The following RGS18 variants were observed in gnomAD, a reference collection of about 807,000 sequenced individuals.
RGS18 encodes regulator of G-protein signaling 18.
Under a neutral mutation model 27.6 loss-of-function variants are expected in RGS18, and 22 were observed. The ratio of observed to expected loss-of-function variants is 0.80; its 90% CI spans 0.57 to 1.14. RGS18 has a LOEUF of 1.14. RGS18 is among the 50% of genes most tolerant of loss of function. The probability of loss-of-function intolerance (pLI) is 0.00; values close to 1 mark genes in which losing one functional copy is unlikely to be tolerated. For missense variants in RGS18, 299 were observed against 269.6 expected (o/e 1.11, Z -0.76); for synonymous variants, 89 against 84.6 (o/e 1.05, Z -0.29).
In RGS18 at chr1:192,185,238, AC is replaced by A. The variant is rs1387196876; in HGVS notation, c.*687del. Reference sequence around the variant, plus strand: ...CTCATTCCTAAGTGAACATGGACGTACCCAGTTATACAAAGTACTTCTGTTG... The same window carrying A: ...CTCATTCCTAAGTGAACATGGACGTACCAGTTATACAAAGTACTTCTGTTG... On this transcript the variant is annotated 3_prime_UTR_variant, in exon 5 of 5. Coordinates refer to ENST00000367460, the MANE Select transcript of RGS18 (RefSeq NM_130782.3). 1 of 151,684 alleles carries A rather than the reference AC, an allele frequency of 6.6e-6. No homozygotes were observed. Among genetic ancestry groups the A allele is most frequent in the Non-Finnish European group, 1.5e-5 (1 of 67,736 alleles). The allele number at this position is 151,684 out of a possible 1,614,324, so 9.4% of individuals were successfully genotyped here. A position where few individuals can be genotyped will look rare whatever the true frequency, so the allele number is the denominator to read the frequency against.
intron 3 of RGS18, among the ~76,000 whole-genome samples, chr1:192,161,747 T>A (rs542985446): frequency 6.6e-6 from 1 of 152,352 alleles, no homozygotes; most frequent in African/African-American, 2.4e-5. Context: ...AGGTGTCTAC[T>A]GGAAGAAAGG....
At chr1:192,181,807 C>G (rs1266546946) in intron 4 of RGS18, among the ~76,000 whole-genome samples, 1 of 151,490 alleles carries the variant, frequency 6.6e-6, no homozygotes, top group Non-Finnish European at 1.5e-5. Context: ...TTCTTCCTAT[C>G]TATCTCTGTA....
intron 2 of RGS18, 138 bp from the exon 3 acceptor site, chr1:192,160,240 G>A (rs4329489): frequency 0.67 from 292,881 of 434,634 alleles, 101,324 homozygotes; most frequent in East Asian, 0.84. Flanking sequence ...TAATGTAAAT[G>A]CAATTTTCAT....
intron 3 of RGS18, among the ~76,000 whole-genome samples, chr1:192,162,941 TTCC>T (rs1407764324): frequency 6.6e-6 from 1 of 152,232 alleles, no homozygotes; most frequent in African/African-American, 2.4e-5. Context: ...CATCTGTGGA[TTCC>T]TAAACTTAGC....
rs1323533756 is a variant in RGS18, at chr1:192,184,789, TC to T, written c.*236del. ...TTTATAATCAGAAAAAAAACTTATT[TC>T]TTAATCAAAAGGCAGTACAAAAAAA... is the stretch of plus-strand genomic sequence containing the variant. On this transcript the variant is annotated 3_prime_UTR_variant, in exon 5 of 5. Transcript: ENST00000367460. 1 of 424,040 alleles carries T rather than the reference TC, an allele frequency of 2.4e-6. No homozygotes were observed. Among genetic ancestry groups the T allele is most frequent in the African/African-American group, 2.0e-5 (1 of 49,612 alleles). The allele number at this position is 424,040 out of a possible 1,614,324, so 26.3% of individuals were successfully genotyped here. A position where few individuals can be genotyped will look rare whatever the true frequency, so the allele number is the denominator to read the frequency against.
intron 3 of RGS18, among the ~76,000 whole-genome samples, chr1:192,172,482 A>G (rs1237743560): frequency 6.6e-6 from 1 of 152,140 alleles, no homozygotes; most frequent in Non-Finnish European, 1.5e-5. Flanking sequence ...CACCGGCAGA[A>G]CTGTGAGTAA....
At chr1:192,172,884 A>T (rs78009022) in intron 3 of RGS18, among the ~76,000 whole-genome samples, 1,651 of 97,374 alleles carry the variant, frequency 0.017, 37 homozygotes, top group African/African-American at 0.047. Flanking sequence ...TATATATATA[A>T]ATATATATAT....
intron 3 of RGS18, chr1:192,163,149 C>A (rs1027890074): frequency 6.6e-6 from 1 of 152,182 alleles, no homozygotes; most frequent in Admixed American, 6.5e-5. Context: ...AAATAGATTT[C>A]TGTCAGGATT....
chr1:192,159,314 G>A lies in RGS18; in HGVS notation c.214G>A (p.Glu72Lys). 1.9e-6 allele frequency: 3 copies of A among 1,605,214 alleles called. No individual in the cohort carries two copies. Among genetic ancestry groups the A allele is most frequent in the Non-Finnish European group, 2.6e-6 (3 of 1,172,294 alleles). ...RSSRSGHLAK[E>K]TRVSPEEAVK... ...CAGTAGATCTGGGCACTTGGCCAAA[G>A]AAACAAGGTGAATAAATTTTCAGTA... The change falls in exon 2 of 5, where the codon GAA becomes AAA. Residue 72 changes from glutamate (E) to lysine (K), a missense_variant. By Grantham distance (56) the Glu-to-Lys change is moderately conservative (BLOSUM62 1). Coordinates refer to ENST00000367460, the MANE Select transcript of RGS18 (RefSeq NM_130782.3).
intron 3 of RGS18, among the ~76,000 whole-genome samples, chr1:192,174,439 C>T (rs1002243577): frequency 2.0e-4 from 31 of 151,586 alleles, no homozygotes; most frequent in South Asian, 2.1e-4. Context: ...TCAATTCAGT[C>T]GAATTAATGA....
chr1:192,172,738 T>C (rs1345852051), intron 3 of RGS18, among the ~76,000 whole-genome samples: 1 of 151,582 alleles, frequency 6.6e-6, no homozygotes, highest in African/African-American at 2.4e-5. Context: ...ATCTCCCCCA[T>C]CTCAACGTCC....
intron 4 of RGS18, 35 bp from the exon 5 acceptor site, chr1:192,184,262 T>A (rs1242733026): frequency 1.9e-6 from 3 of 1,585,158 alleles, no homozygotes; most frequent in South Asian, 2.2e-5. Flanking sequence ...TATAAGCATA[T>A]TAACTATAAT....
At chr1:192,178,112 A>T (rs1356574716) in intron 3 of RGS18, among the ~76,000 whole-genome samples, 1 of 151,086 alleles carries the variant, frequency 6.6e-6, no homozygotes, top group Non-Finnish European at 1.5e-5. Flanking sequence ...TGAAAGGGGA[A>T]TTTTTTTTTA....
chr1:192,158,846 G>A, intron 1 of RGS18, 90 bp downstream of exon 1: 1 of 911,584 alleles, frequency 1.1e-6, no homozygotes, highest in Non-Finnish European at 1.7e-6. Flanking sequence ...GAACTATTGG[G>A]TGGAAAATAT....
intron 3 of RGS18, among the ~76,000 whole-genome samples, chr1:192,160,888 T>G (rs1389058775): frequency 1.3e-5 from 2 of 152,380 alleles, no homozygotes; most frequent in East Asian, 3.9e-4. Flanking sequence ...AGTCTCGCTT[T>G]GTCGCCCAGG....
chr1:192,167,856 T>C (rs760504795), intron 3 of RGS18: 1 of 152,146 alleles, frequency 6.6e-6, no homozygotes. Context: ...CAAAGCCAAA[T>C]GTTACAGAAG....
chr1:192,177,500 A>G (rs1199266472), intron 3 of RGS18, among the ~76,000 whole-genome samples: 1 of 151,730 alleles, frequency 6.6e-6, no homozygotes, highest in Non-Finnish European at 1.5e-5. Flanking sequence ...GACAAGTTAG[A>G]CAAGGGTCTT....
chr1:192,163,876 T>A lies in RGS18; in HGVS notation c.283+3437T>A, dbSNP rs1344649819. Among the ~76,000 whole-genome samples, 491 of 150,438 alleles carry A rather than the reference T, an allele frequency of 3.3e-3. 4 individuals are homozygous for A. The highest frequency in any genetic ancestry group is 0.021 in the East Asian group (107 of 5,158). ...GTGTGAATATATATATATATTTTTT[T>A]TTTTTCTTTTTTTTAAAGAGAAAGA... On this transcript the variant is annotated intron_variant, in intron 3 of 4. Transcript: ENST00000367460.
intron 3 of RGS18, chr1:192,169,760 A>T (rs1002713585): frequency 5.2e-5 from 7 of 133,580 alleles, no homozygotes; most frequent in Non-Finnish European, 1.1e-4. Context: ...CTTTATAGCA[A>T]CTATTAAGCA....
Sources: gnomAD v4.1 joint callset for allele counts (sites outside exome capture counted in the v4.1 genomes callset) on GRCh38, gnomAD v4.1.1 for gene constraint, MANE v1.5 for transcripts, NCBI Gene and HGNC (gene_info 2026-07-23, HGNC 2026-07-21) for gene names.